The following CACNA2D1 variants were observed in gnomAD, a reference collection of about 807,000 sequenced individuals.
CACNA2D1 encodes calcium voltage-gated channel auxiliary subunit alpha2delta 1, also known as voltage-dependent calcium channel subunit alpha-2/delta-1.
In CACNA2D1, 53 loss-of-function variants were observed where a neutral mutation model predicts 171.5. The observed-to-expected ratio is 0.31, with a 90% CI of 0.25 to 0.39. The LOEUF is 0.39. Ranked by LOEUF, CACNA2D1 falls within the 10% of genes least tolerant of loss-of-function variation. The pLI, the probability that CACNA2D1 is intolerant of heterozygous loss-of-function variation, is 1.00. For missense variants in CACNA2D1, 903 were observed against 1,299.8 expected (o/e 0.69, Z 4.69); for synonymous variants, 442 against 443.1 (o/e 1.00, Z 0.03).
chr7:82,343,471 G>T (rs1338016074), intron 2 of CACNA2D1, among the ~76,000 whole-genome samples: 1 of 152,190 alleles, frequency 6.6e-6, no homozygotes, highest in Admixed American at 6.5e-5. Context: ...AGAAGTGCAG[G>T]TTGTCCCTAG....
intron 5 of CACNA2D1, among the ~76,000 whole-genome samples, chr7:82,135,573 A>AAGT (rs1791512391): frequency 6.6e-6 from 1 of 152,104 alleles, no homozygotes; most frequent in South Asian, 2.1e-4. Flanking sequence ...TAAGTAAAAT[A>AAGT]AGTTGTGTAA....
At chr7:82,383,301 G>T (rs1203813577) in intron 1 of CACNA2D1, among the ~76,000 whole-genome samples, 1 of 152,106 alleles carries the variant, frequency 6.6e-6, no homozygotes, top group African/African-American at 2.4e-5. Context: ...CCATCCCAAG[G>T]ATGCTTGTAG....
chr7:82,437,455 T>C (rs916668791), intron 1 of CACNA2D1, among the ~76,000 whole-genome samples: 1 of 152,084 alleles, frequency 6.6e-6, no homozygotes, highest in Admixed American at 6.6e-5. Flanking sequence ...CCATTTATGA[T>C]ACAGAATTTT....
chr7:82,205,296 A>C, intron 3 of CACNA2D1, among the ~76,000 whole-genome samples: 1 of 152,264 alleles, frequency 6.6e-6, no homozygotes, highest in Middle Eastern at 3.4e-3. Flanking sequence ...AAAATCATAT[A>C]TTTGCAATGT....
chr7:82,207,381 CAG>C (rs1320386821), intron 3 of CACNA2D1, among the ~76,000 whole-genome samples: 2 of 152,128 alleles, frequency 1.3e-5, no homozygotes, highest in East Asian at 3.9e-4. Flanking sequence ...GCAAACCTCC[CAG>C]AATCATTGTA....
At chr7:82,183,162 A>G (rs1032966939) in intron 3 of CACNA2D1, among the ~76,000 whole-genome samples, 1 of 152,094 alleles carries the variant, frequency 6.6e-6, no homozygotes, top group African/African-American at 2.4e-5. Flanking sequence ...CTTTTCTCAT[A>G]TATTTTTCAA....
At chr7:82,055,002 T>C (rs1264040114) in intron 10 of CACNA2D1, among the ~76,000 whole-genome samples, 2 of 152,192 alleles carry the variant, frequency 1.3e-5, no homozygotes, top group Non-Finnish European at 2.9e-5. Flanking sequence ...AGAAAACCTG[T>C]GTGGCAACTA....
intron 1 of CACNA2D1, among the ~76,000 whole-genome samples, chr7:82,358,456 C>T (rs1333904191): frequency 6.6e-6 from 1 of 152,110 alleles, no homozygotes; most frequent in Non-Finnish European, 1.5e-5. Flanking sequence ...TCAATTTAAA[C>T]CATTTTCAAT....
chr7:82,122,673 G>A (rs1466988134), intron 5 of CACNA2D1, among the ~76,000 whole-genome samples: 1 of 152,104 alleles, frequency 6.6e-6, no homozygotes, highest in African/African-American at 2.4e-5. Context: ...TTTGGGAAGA[G>A]AGTGATATTT....
intron 1 of CACNA2D1, among the ~76,000 whole-genome samples, chr7:82,435,615 T>C (rs1455083547): frequency 1.3e-5 from 2 of 152,190 alleles, no homozygotes; most frequent in Non-Finnish European, 2.9e-5. Context: ...ACTAATCTTT[T>C]TGAAACCTCG....
In CACNA2D1 at chr7:82,227,953, T is replaced by G. The variant is rs1471275813; in HGVS notation, c.295-57344A>C. On this transcript the variant is annotated intron_variant, in intron 3 of 38. Coordinates refer to ENST00000356860, the MANE Select transcript of CACNA2D1 (RefSeq NM_000722.4). ...GTAGAATTCTAAAATGAACCCCAAG[T>G]GTACATGTACCCCCGGCTGTACATG... is the stretch of plus-strand genomic sequence containing the variant. 4.6e-5 allele frequency among the ~76,000 whole-genome samples: 7 copies of G among 152,216 alleles called. No homozygotes were observed. In the South Asian group the frequency reaches 1.0e-3, roughly 23 times the overall value.
intron 12 of CACNA2D1, among the ~76,000 whole-genome samples, chr7:82,032,002 T>C (rs181496369): frequency 1.2e-4 from 19 of 152,120 alleles, no homozygotes; most frequent in Non-Finnish European, 2.1e-4. Context: ...ATTAGCATTT[T>C]AGGAAACCAG....
intron 1 of CACNA2D1, among the ~76,000 whole-genome samples, chr7:82,383,178 C>T (rs2237526): frequency 0.39 from 60,002 of 152,060 alleles, 13,072 homozygotes; most frequent in African/African-American, 0.58. Context: ...TGTTAGGTAT[C>T]TGTCTGCACT....
At chr7:82,341,110 G>C (rs189667288) in intron 2 of CACNA2D1, among the ~76,000 whole-genome samples, 1 of 151,722 alleles carries the variant, frequency 6.6e-6, no homozygotes, top group Non-Finnish European at 1.5e-5. Context: ...TTGGGCTTTC[G>C]AACTACTTGT....
intron 4 of CACNA2D1, among the ~76,000 whole-genome samples, chr7:82,157,299 T>C (rs1794471250): frequency 6.6e-6 from 1 of 152,148 alleles, no homozygotes; most frequent in Non-Finnish European, 1.5e-5. Context: ...TCCCATGATC[T>C]AAATTTCTAC....
chr7:82,101,763 C>T (rs1424755809), intron 6 of CACNA2D1, among the ~76,000 whole-genome samples: 1 of 151,868 alleles, frequency 6.6e-6, no homozygotes, highest in Non-Finnish European at 1.5e-5. Flanking sequence ...CGTTTTTTAC[C>T]GCAATCTACC....
chr7:82,122,868 C>A (rs1789904533), intron 5 of CACNA2D1, among the ~76,000 whole-genome samples: 1 of 152,134 alleles, frequency 6.6e-6, no homozygotes. Context: ...CACAAATATA[C>A]TTTTCAAAAT....
intron 3 of CACNA2D1, among the ~76,000 whole-genome samples, chr7:82,270,191 T>C (rs1468956653): frequency 6.6e-6 from 1 of 152,168 alleles, no homozygotes; most frequent in Non-Finnish European, 1.5e-5. Flanking sequence ...TTTTGTTTTT[T>C]GCTTTTTTAG....
intron 1 of CACNA2D1, among the ~76,000 whole-genome samples, chr7:82,357,053 A>C (rs1164938677): frequency 6.6e-6 from 1 of 152,176 alleles, no homozygotes; most frequent in Non-Finnish European, 1.5e-5. Context: ...TAATTGAAAA[A>C]AATCTTTTAT....
Sources: gnomAD v4.1 joint callset for allele counts (sites outside exome capture counted in the v4.1 genomes callset) on GRCh38, gnomAD v4.1.1 for gene constraint, MANE v1.5 for transcripts, NCBI Gene and HGNC (gene_info 2026-07-23, HGNC 2026-07-21) for gene names.